CARD10: variants seen among roughly 807,000 people sequenced by gnomAD.
CARD10 encodes the protein caspase recruitment domain family member 10.
Under a neutral mutation model 114.6 loss-of-function variants are expected in CARD10, and 49 were observed. The ratio of observed to expected loss-of-function variants is 0.43; its 90% CI spans 0.34 to 0.54. The LOEUF (loss-of-function observed/expected upper bound fraction) is 0.54, where lower values mean the gene tolerates loss of function less well. Ranked by LOEUF, CARD10 falls within the 20% of genes least tolerant of loss-of-function variation. The pLI is 0.03. For synonymous variants in CARD10, 602 were observed against 593.2 expected, an observed-to-expected ratio of 1.01 and a Z score of -0.21; for missense variants, 1,206 against 1,397.2, an observed-to-expected ratio of 0.86 and a Z score of 2.18.
chr22:37,491,489 G>A lies in CARD10; in HGVS notation c.2865-96C>T, dbSNP rs1183555986. On this transcript the variant is annotated intron_variant, in intron 19 of 19. Transcript: ENST00000251973. Reference sequence around the variant, plus strand: ...CAGACAAAGGGGGAAGAGTCAGAGAGAGAAGATGGACAACCAAAGAGAGAC... The same window carrying A: ...CAGACAAAGGGGGAAGAGTCAGAGAAAGAAGATGGACAACCAAAGAGAGAC... The A allele has an allele frequency of 2.9e-5, 24 of 835,592 alleles. No individual in the cohort carries two copies. In the African/African-American group the frequency reaches 4.5e-4, roughly 16 times the overall value. The allele number at this position is 835,592 out of a possible 1,614,324, so 51.8% of individuals were successfully genotyped here. A position where few individuals can be genotyped will look rare whatever the true frequency, so the allele number is the denominator to read the frequency against.
intron 1 of CARD10, 123 bp downstream of exon 1, chr22:37,518,843 C>A: frequency 8.0e-7 from 1 of 1,246,130 alleles, no homozygotes; most frequent in Non-Finnish European, 1.1e-6. Context: ...CCGGCCCACT[C>A]TACTGATGCG....
intron 3 of CARD10, among the ~76,000 whole-genome samples, chr22:37,511,481 G>A (rs1923648505): frequency 6.7e-6 from 1 of 149,312 alleles, no homozygotes; most frequent in Non-Finnish European, 1.5e-5. Context: ...GGAGGCGGGA[G>A]GAGGGCAGAG....
intron 2 of CARD10, among the ~76,000 whole-genome samples, chr22:37,517,321 GTGTA>G (rs1419305556): frequency 2.0e-5 from 3 of 152,058 alleles, no homozygotes; most frequent in Non-Finnish European, 2.9e-5. Context: ...GTGTGCGTGT[GTGTA>G]TGTGTTTGTG....
chr22:37,506,092 AG>A (rs1923395153), intron 7 of CARD10, 99 bp downstream of exon 7: 2 of 911,554 alleles, frequency 2.2e-6, no homozygotes, highest in East Asian at 6.1e-5. Context: ...CCCCTGGCTG[AG>A]GTCTCCCACC....
At chr22:37,503,268 G>A (rs1465227641) in intron 9 of CARD10, 55 bp from the exon 10 acceptor site, 5 of 1,527,658 alleles carry the variant, frequency 3.3e-6, no homozygotes, top group Non-Finnish European at 3.5e-6. Flanking sequence ...TGGGCACTCT[G>A]CCCCGCTCCC....
rs1323469123 is a variant in CARD10 at position 37,497,106 on chromosome 22, T to C, written c.1860A>G (p.Gly620=). The change falls in exon 12 of 20, where the codon GGA becomes GGG. Residue 620 remains glycine (G), a synonymous_variant. Transcript: ENST00000251973. ...ACCATCTGTCCCCATAAAACGACAG[T>C]CCATCTGGTCCCTTGTCCTGCGGCT... ...GPEPQDKGPD[G]LSFYGDRWSG... 6.2e-7 allele frequency: 1 copy of C among 1,614,212 alleles called. No individual in the cohort carries two copies. Among genetic ancestry groups the C allele is most frequent in the Non-Finnish European group, 8.5e-7 (1 of 1,180,034 alleles).
intron 3 of CARD10, chr22:37,512,194 A>G (rs1923675310): frequency 6.6e-6 from 1 of 152,290 alleles, no homozygotes; most frequent in Non-Finnish European, 1.5e-5. Context: ...GTGACCACCA[A>G]GCTGGGAGCA....
rs1032548999 is a variant in CARD10, at chr22:37,494,197, G to A, written c.2374-9C>T. 2.6e-6 allele frequency: 4 copies of A among 1,542,864 alleles called. No individual in the cohort carries two copies. The highest frequency in any genetic ancestry group is 1.4e-5 in the African/African-American group (1 of 72,986). On this transcript the variant is annotated splice_polypyrimidine_tract_variant and intron_variant, in intron 15 of 19. Coordinates refer to ENST00000251973, the MANE Select transcript of CARD10 (RefSeq NM_014550.4). Reference sequence around the variant, plus strand: ...AGGGCTCTCTTCTTCAGCTGGGAGGGTGCAGGGACAGAGGAGCATCTGAGA... The same window carrying A: ...AGGGCTCTCTTCTTCAGCTGGGAGGATGCAGGGACAGAGGAGCATCTGAGA...
intron 16 of CARD10, 58 bp downstream of exon 16, chr22:37,494,028 C>T: frequency 7.8e-7 from 1 of 1,281,206 alleles, no homozygotes. Flanking sequence ...CACTCAGCTG[C>T]ACACATCCCT....
At chr22:37,504,605 CCCTTATTT>C (rs1226786821) in intron 8 of CARD10, 22 bp downstream of exon 8, 2 of 1,450,426 alleles carry the variant, frequency 1.4e-6, no homozygotes, top group African/African-American at 1.4e-5. Flanking sequence ...GCAGTGTCCC[CCCTTATTT>C]GGGATGGGGC....
chr22:37,504,561 AG>A, intron 8 of CARD10, 73 bp downstream of exon 8: 1 of 1,457,354 alleles, frequency 6.9e-7, no homozygotes, highest in Non-Finnish European at 9.1e-7. Context: ...TGGATCCTTC[AG>A]AAAGCACTCT....
chr22:37,502,440 G>C (rs1569164298), intron 11 of CARD10, among the ~76,000 whole-genome samples, 162 bp downstream of exon 11: 1 of 152,232 alleles, frequency 6.6e-6, no homozygotes, highest in African/African-American at 2.4e-5. Flanking sequence ...GGACGATCAA[G>C]AGCGGCAGCA....
intron 15 of CARD10, 183 bp from the exon 16 acceptor site, chr22:37,494,371 G>A: frequency 1.7e-6 from 1 of 598,394 alleles, no homozygotes; most frequent in Non-Finnish European, 3.0e-6. Flanking sequence ...CCCCAGCCCA[G>A]CACAGTCCCC....
intron 3 of CARD10, 41 bp downstream of exon 3, chr22:37,515,932 C>T (rs1214431384): frequency 2.7e-6 from 4 of 1,480,502 alleles, no homozygotes; most frequent in Non-Finnish European, 3.6e-6. Context: ...GCAAAAGCTG[C>T]CCCTTCCCTT....
rs1436322869 is a variant in CARD10, at chr22:37,497,061, C to T, written c.1905G>A (p.Arg635=). 2 of 1,614,096 alleles carry T rather than the reference C, an allele frequency of 1.2e-6. No homozygotes were observed. The highest frequency in any genetic ancestry group is 3.3e-5 in the Admixed American group (2 of 60,010). Residue 635 remains arginine (R), a synonymous_variant, in exon 12 of 20, where the codon AGG becomes AGA. Coordinates refer to ENST00000251973, the MANE Select transcript of CARD10 (RefSeq NM_014550.4). ...TGGCGGACCCAGGCCCAGACAGCAC[C>T]CTGCGCACCACAGCCCCAGACCATC... ...GDRWSGAVVR[R]VLSGPGSARM... is the part of the protein sequence containing the mutation.
At chr22:37,513,966 T>C (rs1199518963) in intron 3 of CARD10, among the ~76,000 whole-genome samples, 1 of 151,976 alleles carries the variant, frequency 6.6e-6, no homozygotes, top group Non-Finnish European at 1.5e-5. Context: ...TAGCCAGGCA[T>C]GGTGGCACAC....
rs1482163611 is a variant in CARD10, at chr22:37,504,195, G to A, written c.1625C>T (p.Pro542Leu). 1 of 1,559,586 alleles carries A rather than the reference G, an allele frequency of 6.4e-7. No individual in the cohort carries two copies. The highest frequency in any genetic ancestry group is 8.7e-7 in the Non-Finnish European group (1 of 1,150,486). Reference protein sequence around the residue: ...LRRQREEDPAPPKRSFSSMSD... With the variant: ...LRRQREEDPALPKRSFSSMSD... ...TCCCCAGCCATCTCACCTCTTAGGG[G>A]GTGCGGGGTCTTCCTCACGCTGCCG... The change falls in exon 9 of 20, where the codon CCC becomes CTC. Residue 542 changes from proline to leucine, a missense_variant. Physicochemically the swap from Pro to Leu is moderately conservative, Grantham distance 98. Transcript: ENST00000251973.
intron 11 of CARD10, among the ~76,000 whole-genome samples, chr22:37,500,339 G>A (rs775764727): frequency 1.3e-5 from 2 of 152,178 alleles, no homozygotes; most frequent in African/African-American, 4.8e-5. Flanking sequence ...CTGGGCAGTG[G>A]TGAGGCTATG....
Position 37,497,237 on chromosome 22 carries a change from G to A in CARD10, c.1788-59C>T. 4 of 1,525,424 alleles carry A rather than the reference G, an allele frequency of 2.6e-6. No individual in the cohort carries two copies. The South Asian group carries it at 3.8e-5, about 14-fold the overall frequency. The allele number at this position is 1,525,424 out of a possible 1,614,324, so 94.5% of individuals were successfully genotyped here. On this transcript the variant is annotated intron_variant, in intron 11 of 19. Coordinates refer to ENST00000251973, the MANE Select transcript of CARD10 (RefSeq NM_014550.4). The stretch of plus-strand genomic sequence containing the variant: ...CCAATCAGTACTTGGATTCAGTTCA[G>A]CATTCTTGGAAAACCACAGTGATTT...
Sources: allele counts gnomAD v4.1 joint callset (sites outside exome capture counted in the v4.1 genomes callset), GRCh38; gene constraint gnomAD v4.1.1; transcripts MANE v1.5; gene names NCBI Gene and HGNC (gene_info 2026-07-23, HGNC 2026-07-21).